Variants in DPH6 observed in about 807,000 individuals in gnomAD.
DPH6 encodes diphthamine biosynthesis 6.
DPH6 carries 33 observed loss-of-function variants against 38.2 expected under a neutral mutation model. The ratio of observed to expected loss-of-function variants is 0.86; its 90% CI spans 0.65 to 1.15. The LOEUF is 1.15. Ranked by LOEUF, DPH6 falls within the 50% of genes most tolerant of loss-of-function variation. DPH6 has a pLI of 0.00. For synonymous variants in DPH6, 108 were observed against 103.0 expected, an observed-to-expected ratio of 1.05 and a Z score of -0.30; for missense variants, 325 against 320.0, an observed-to-expected ratio of 1.02 and a Z score of -0.12.
chr15:35,424,804 GA>G (rs1334282957), intron 5 of DPH6, among the ~76,000 whole-genome samples: 1 of 151,580 alleles, frequency 6.6e-6, no homozygotes, highest in Non-Finnish European at 1.5e-5. Context: ...AACTGGGAAA[GA>G]ATACTATGAA....
intron 5 of DPH6, among the ~76,000 whole-genome samples, chr15:35,431,908 C>T (rs2053637195): frequency 6.6e-6 from 1 of 152,178 alleles, no homozygotes; most frequent in African/African-American, 2.4e-5. Context: ...CTGCCTCAGC[C>T]TCTGGAGTAG....
At chr15:35,455,642 T>C (rs1216064209) in intron 3 of DPH6, among the ~76,000 whole-genome samples, 1 of 152,112 alleles carries the variant, frequency 6.6e-6, no homozygotes, top group East Asian at 1.9e-4. Flanking sequence ...TATAAGATAA[T>C]ACACTTAGGG....
At chr15:35,279,507 T>C (rs985427245) in intron 3 of DPH6, among the ~76,000 whole-genome samples, 2 of 152,040 alleles carry the variant, frequency 1.3e-5, no homozygotes, top group African/African-American at 4.8e-5. Flanking sequence ...TGAGGTCAGA[T>C]ACCTCATTAA....
intron 3 of DPH6, among the ~76,000 whole-genome samples, chr15:35,456,934 C>T (rs1441659688): frequency 6.6e-6 from 1 of 152,106 alleles, no homozygotes; most frequent in Non-Finnish European, 1.5e-5. Flanking sequence ...CTACTCCCAT[C>T]TATTTCATTT....
At chr15:35,188,706 T>C in the DPH6 span, among the ~76,000 whole-genome samples, 1 of 152,124 alleles carries the variant, frequency 6.6e-6, no homozygotes, top group South Asian at 2.1e-4. Flanking sequence ...ACTGCTAAAA[T>C]ACTTTGGTGA....
At chr15:35,207,969 C>G in the DPH6 span, among the ~76,000 whole-genome samples, 2 of 152,126 alleles carry the variant, frequency 1.3e-5, no homozygotes, top group African/African-American at 2.4e-5. Flanking sequence ...ATTTTTCAAG[C>G]TCTATTACGA....
chr15:35,276,519 C>T (rs576531041), intron 3 of DPH6, among the ~76,000 whole-genome samples: 1 of 152,170 alleles, frequency 6.6e-6, no homozygotes, highest in Non-Finnish European at 1.5e-5. Flanking sequence ...AAGCCAATGT[C>T]TAGAAGGGTT....
chr15:35,473,682 TTATAGA>T (rs1040173071), intron 3 of DPH6, among the ~76,000 whole-genome samples: 8 of 152,072 alleles, frequency 5.3e-5, no homozygotes, highest in African/African-American at 1.9e-4. Context: ...ACCTAAAAAC[TTATAGA>T]TATATTCACA....
At chr15:35,468,233 A>T (rs2054152284) in intron 3 of DPH6, among the ~76,000 whole-genome samples, 1 of 152,176 alleles carries the variant, frequency 6.6e-6, no homozygotes, top group African/African-American at 2.4e-5. Flanking sequence ...CCTTCAAGAG[A>T]GCTTTTATTA....
chr15:35,521,381 A>G, intron 3 of DPH6: 1 of 1,054,284 alleles, frequency 9.5e-7, no homozygotes. Context: ...TAAATAGACT[A>G]TATCATCTAA....
intron 3 of DPH6, among the ~76,000 whole-genome samples, chr15:35,473,951 TGTGTGTGC>T (rs1416817936): frequency 0.018 from 500 of 28,100 alleles, no homozygotes; most frequent in Middle Eastern, 0.071. Flanking sequence ...TGTGTGTGTG[TGTGTGTGC>T]GCGCGCGCGC....
intron 1 of DPH6, among the ~76,000 whole-genome samples, chr15:35,544,476 A>G (rs1013919657): frequency 6.6e-6 from 1 of 152,140 alleles, no homozygotes; most frequent in East Asian, 1.9e-4. Context: ...CGTTCTGCAC[A>G]TGTAACCCAG....
chr15:35,542,535 A>G (rs2055268773), intron 1 of DPH6, 28 bp from the exon 2 acceptor site: 1 of 1,519,874 alleles, frequency 6.6e-7, no homozygotes, highest in Non-Finnish European at 9.0e-7. Flanking sequence ...AGAGGGACAA[A>G]TATCATGCTA....
chr15:35,443,382 T>TCA lies in DPH6; in HGVS notation c.505+7302_505+7303insTG, dbSNP rs2053812218. On this transcript the variant is annotated intron_variant, in intron 5 of 8. Transcript: ENST00000256538. ...TTCTGACTTTTCTCTGCCCCAGCTC[T>TCA]TACTCCAGGAGCAAGGTGATGAGAA... Among the ~76,000 whole-genome samples, 3 of 152,276 alleles carry TCA rather than the reference T, an allele frequency of 2.0e-5. No homozygotes were observed. The South Asian group carries it at 6.2e-4, about 32-fold the overall frequency.
Position 35,440,586 on chromosome 15 carries a change from C to T in DPH6, c.505+10099G>A, listed in dbSNP as rs561343801. Among the ~76,000 whole-genome samples the T allele has an allele frequency of 4.6e-5, 7 of 152,240 alleles. No individual in the cohort carries two copies. The East Asian group carries it at 7.7e-4, about 17-fold the overall frequency. On this transcript the variant is annotated intron_variant, in intron 5 of 8. Coordinates refer to ENST00000256538, the MANE Select transcript of DPH6 (RefSeq NM_080650.4). Reference sequence around the variant, plus strand: ...TATGCAGTAAAGATCAGTCTTTATCCTTATCCCTATCCTTATCCTAATGGC... The same window carrying T: ...TATGCAGTAAAGATCAGTCTTTATCTTTATCCCTATCCTTATCCTAATGGC...
chr15:35,325,932 A>G (rs1176636329), downstream of DPH6, among the ~76,000 whole-genome samples: 1 of 152,216 alleles, frequency 6.6e-6, no homozygotes, highest in Non-Finnish European at 1.5e-5. Context: ...AACGGCAGAT[A>G]AATATACAGA....
At chr15:35,433,847 A>G (rs1172441049) in intron 5 of DPH6, among the ~76,000 whole-genome samples, 2 of 152,212 alleles carry the variant, frequency 1.3e-5, no homozygotes, top group Admixed American at 6.5e-5. Flanking sequence ...TAAAAGCTCA[A>G]CAGGCTACAA....
chr15:35,191,783 C>T, the DPH6 span, among the ~76,000 whole-genome samples: 2 of 150,336 alleles, frequency 1.3e-5, no homozygotes, highest in Non-Finnish European at 2.9e-5. Context: ...CAGATCACCA[C>T]ATTCAGACAA....
chr15:35,382,450 AACAC>A (rs56269036), intron 6 of DPH6, among the ~76,000 whole-genome samples: 1 of 150,234 alleles, frequency 6.7e-6, no homozygotes, highest in African/African-American at 2.4e-5. Context: ...CGAAAAACAA[AACAC>A]ACACACACAC....
Sources: gnomAD v4.1 joint callset for allele counts (sites outside exome capture counted in the v4.1 genomes callset) on GRCh38, gnomAD v4.1.1 for gene constraint, MANE v1.5 for transcripts, NCBI Gene and HGNC (gene_info 2026-07-23, HGNC 2026-07-21) for gene names.